The following NTN1 variants were observed in gnomAD, a reference collection of about 807,000 sequenced individuals.
The protein encoded by NTN1 is netrin-1.
Under a neutral mutation model 54.2 loss-of-function variants are expected in NTN1, and 11 were observed. The observed-to-expected ratio is 0.20, with a 90% CI of 0.13 to 0.34. The LOEUF (loss-of-function observed/expected upper bound fraction) is 0.34, where lower values mean the gene tolerates loss of function less well. Among genes scored for constraint, NTN1 ranks in the 10% least tolerant of loss-of-function variants. The pLI is 1.00. For synonymous variants in NTN1, 371 were observed against 382.0 expected (o/e 0.97, Z 0.33); for missense variants, 740 against 893.1 (o/e 0.83, Z 2.18).
chr17:9,055,264 A>G (rs1310731042), intron 2 of NTN1, among the ~76,000 whole-genome samples: 1 of 152,160 alleles, frequency 6.6e-6, no homozygotes, highest in East Asian at 1.9e-4. Context: ...CACTCAAACA[A>G]CAACTGGTTA....
intron 6 of NTN1, among the ~76,000 whole-genome samples, chr17:9,231,936 C>T (rs918706180): frequency 3.9e-5 from 6 of 152,112 alleles, no homozygotes; most frequent in African/African-American, 1.2e-4. Flanking sequence ...CTGCTCCACC[C>T]TCCTACTGGG....
At chr17:9,036,552 G>T (rs1178705523) in intron 2 of NTN1, among the ~76,000 whole-genome samples, 1 of 151,886 alleles carries the variant, frequency 6.6e-6, no homozygotes, top group Non-Finnish European at 1.5e-5. Context: ...TGAGTCACCT[G>T]CTTGGCCTGC....
chr17:9,171,883 CTT>C (rs11429901), intron 3 of NTN1: 19 of 101,612 alleles, frequency 1.9e-4, no homozygotes, highest in South Asian at 3.8e-4. Flanking sequence ...ATCAGGCTCA[CTT>C]TTTTTTTTTT....
At chr17:9,197,698 C>A (rs1464555086) in intron 5 of NTN1, among the ~76,000 whole-genome samples, 3 of 150,920 alleles carry the variant, frequency 2.0e-5, no homozygotes, top group Non-Finnish European at 3.0e-5. Context: ...AAAAGAAATT[C>A]ATGGAAGGGG....
chr17:9,088,971 C>G (rs1283064433), intron 2 of NTN1, among the ~76,000 whole-genome samples: 2 of 152,198 alleles, frequency 1.3e-5, no homozygotes, highest in African/African-American at 4.8e-5. Context: ...TCTCCTCAGC[C>G]TCATGCCTGG....
At chr17:9,032,909 GC>G (rs1719219476) in intron 2 of NTN1, among the ~76,000 whole-genome samples, 1 of 151,178 alleles carries the variant, frequency 6.6e-6, no homozygotes, top group South Asian at 2.1e-4. Flanking sequence ...CTTCTGAGCT[GC>G]CATGAGGAAG....
At chr17:9,062,993 T>G (rs1009114551) in intron 2 of NTN1, among the ~76,000 whole-genome samples, 3 of 152,204 alleles carry the variant, frequency 2.0e-5, no homozygotes, top group Admixed American at 1.3e-4. Flanking sequence ...TATTTTCCAC[T>G]GAGAAATCCT....
intron 6 of NTN1, among the ~76,000 whole-genome samples, chr17:9,235,230 G>T (rs866372436): frequency 1.6e-4 from 24 of 152,020 alleles, no homozygotes; most frequent in African/African-American, 5.1e-4. Context: ...CTCCCAAAGT[G>T]CTGGGATTAC....
At chr17:9,202,102 A>G (rs528778170) in intron 5 of NTN1, among the ~76,000 whole-genome samples, 9 of 135,930 alleles carry the variant, frequency 6.6e-5, no homozygotes, top group South Asian at 2.5e-4. Context: ...TTAGCCAGGT[A>G]TGGTGGTACG....
At chr17:9,093,180 A>G (rs897782331) in intron 2 of NTN1, among the ~76,000 whole-genome samples, 2 of 152,204 alleles carry the variant, frequency 1.3e-5, no homozygotes, top group African/African-American at 4.8e-5. Context: ...GGCGTGAGCC[A>G]CCATACCGGC....
chr17:9,072,248 G>GTTTT (rs561199419), intron 2 of NTN1, among the ~76,000 whole-genome samples: 1 of 131,450 alleles, frequency 7.6e-6, no homozygotes. Context: ...GTTATTTGCT[G>GTTTT]TTTTTTTTTT....
In NTN1 at chr17:9,024,234, A is replaced by G. The variant is rs2091862909; in HGVS notation, c.1018+843A>G. Among the ~76,000 whole-genome samples the G allele has an allele frequency of 3.3e-5, 5 of 152,216 alleles. No homozygotes were observed. In the South Asian group the frequency reaches 1.0e-3, roughly 32 times the overall value. ...GGGTCAGAAATGAAGCTAAAAAAGG[A>G]TACGTTCTGCTTCTGAATTGGACGA... On this transcript the variant is annotated intron_variant, in intron 2 of 6. Transcript: ENST00000173229.
intron 2 of NTN1, among the ~76,000 whole-genome samples, chr17:9,079,073 C>T (rs964679215): frequency 2.0e-5 from 3 of 152,172 alleles, no homozygotes; most frequent in Admixed American, 6.5e-5. Context: ...GGGGAGAAGA[C>T]CCATGGGCAG....
intron 2 of NTN1, among the ~76,000 whole-genome samples, chr17:9,063,129 T>A (rs1446045746): frequency 6.6e-6 from 1 of 151,780 alleles, no homozygotes; most frequent in Non-Finnish European, 1.5e-5. Flanking sequence ...GGAGTTTTGC[T>A]CTTGTTGCCT....
At chr17:9,179,666 G>T in intron 3 of NTN1, 141 bp from the exon 4 acceptor site, 1 of 1,059,398 alleles carries the variant, frequency 9.4e-7, no homozygotes, top group Non-Finnish European at 1.3e-6. Flanking sequence ...GAGTGCGTTT[G>T]GGCTTGGCTG....
At chr17:9,114,169 AT>A (rs1197739017) in intron 2 of NTN1, among the ~76,000 whole-genome samples, 92 of 121,256 alleles carry the variant, frequency 7.6e-4, no homozygotes, top group African/African-American at 1.4e-3. Context: ...AAAAAAAAAT[AT>A]ATATATATAT....
At chr17:9,158,863 C>T (rs894233818) in intron 2 of NTN1, among the ~76,000 whole-genome samples, 2 of 152,292 alleles carry the variant, frequency 1.3e-5, no homozygotes, top group South Asian at 2.1e-4. Flanking sequence ...GGGACTCATC[C>T]CCTGGTCTAA....
intron 2 of NTN1, among the ~76,000 whole-genome samples, chr17:9,123,107 T>C (rs759612673): frequency 1.3e-5 from 2 of 152,236 alleles, no homozygotes; most frequent in African/African-American, 4.8e-5. Context: ...TTTAAGACTT[T>C]TGACGCGTTT....
rs755976695 is a variant in NTN1, at chr17:9,163,018, G to A, written c.1207+17G>A. On this transcript the variant is annotated intron_variant, in intron 3 of 6. Coordinates refer to ENST00000173229, the MANE Select transcript of NTN1 (RefSeq NM_004822.3). The stretch of plus-strand genomic sequence containing the variant: ...CCTGCAAAGGTGGGCTACACGTGGC[G>A]GGGCGGGGGGCTGGGGAGACCCGGG... 1.1e-5 allele frequency: 18 copies of A among 1,580,536 alleles called. No individual in the cohort carries two copies. The highest frequency in any genetic ancestry group is 1.9e-4 in the Middle Eastern group (1 of 5,162).
Sources: gnomAD v4.1 joint callset for allele counts (sites outside exome capture counted in the v4.1 genomes callset) on GRCh38, gnomAD v4.1.1 for gene constraint, MANE v1.5 for transcripts, NCBI Gene and HGNC (gene_info 2026-07-23, HGNC 2026-07-21) for gene names.